The following PTPRE variants were observed in gnomAD, a reference collection of about 807,000 sequenced individuals.
PTPRE encodes the protein protein tyrosine phosphatase receptor type E, also known as receptor-type tyrosine-protein phosphatase epsilon.
A neutral mutation model predicts 102.0 loss-of-function variants in PTPRE; 51 were observed. That is an observed-to-expected ratio of 0.50 (90% CI 0.40 to 0.63). The LOEUF (loss-of-function observed/expected upper bound fraction) is 0.63. Ranked by LOEUF, PTPRE falls within the 30% of genes least tolerant of loss-of-function variation. The pLI is 0.00. For synonymous variants in PTPRE, 345 were observed against 348.2 expected (o/e 0.99, Z 0.10); for missense variants, 752 against 915.1 (o/e 0.82, Z 2.30).
chr10:127,923,594 G>T (rs1175059851), intron 1 of PTPRE, among the ~76,000 whole-genome samples: 2 of 151,892 alleles, frequency 1.3e-5, no homozygotes, highest in Non-Finnish European at 2.9e-5. Context: ...AGTAAGGACT[G>T]GGTTTCACCA....
Position 128,070,739 on chromosome 10 carries a change from C to A in PTPRE, c.1294-69C>A. Reference sequence around the variant, plus strand: ...AGGCGTCCTTGCCAGCAGCACTAGTCCTCGGCTGAGCAATGTGCTCAGGAG... The same window carrying A: ...AGGCGTCCTTGCCAGCAGCACTAGTACTCGGCTGAGCAATGTGCTCAGGAG... On this transcript the variant is annotated intron_variant, in intron 14 of 20. Transcript: ENST00000254667. The surrounding 1 kb of genome is among the most constrained non-coding windows in gnomAD (Gnocchi z 4.8). 4.6e-6 allele frequency: 7 copies of A among 1,513,682 alleles called. No homozygotes were observed. Among genetic ancestry groups the A allele is most frequent in the Non-Finnish European group, 6.4e-6 (7 of 1,098,950 alleles). 93.8% of individuals were successfully genotyped at this position (1,513,682 alleles called of 1,614,324 possible).
intron 2 of PTPRE, among the ~76,000 whole-genome samples, chr10:128,017,379 G>A (rs142740640): frequency 1.3e-4 from 20 of 152,272 alleles, no homozygotes; most frequent in African/African-American, 1.9e-4. Context: ...GCTGCTGCCC[G>A]AGCTGGCCTC....
chr10:127,977,433 A>C (rs1442328432), intron 1 of PTPRE, among the ~76,000 whole-genome samples: 1 of 152,128 alleles, frequency 6.6e-6, no homozygotes, highest in African/African-American at 2.4e-5. Context: ...CAAGGTTGCT[A>C]CTCGTTTAAA....
intron 1 of PTPRE, among the ~76,000 whole-genome samples, chr10:127,963,281 C>T (rs978094396): frequency 6.6e-6 from 1 of 152,206 alleles, no homozygotes; most frequent in East Asian, 1.9e-4. Flanking sequence ...CCCCAGCACC[C>T]CTGCATCTCA....
Position 128,020,314 on chromosome 10 carries a change from C to A in PTPRE, c.-7-20561C>A, listed in dbSNP as rs183269419. On this transcript the variant is annotated intron_variant, in intron 2 of 20. Coordinates refer to ENST00000254667, the MANE Select transcript of PTPRE (RefSeq NM_006504.6). ...CTCAAGTGGTACATCTGCACTAACA[C>A]AAATCCATTTTTTACTTGACTTTGA... 2.3e-3 allele frequency among the ~76,000 whole-genome samples: 357 copies of A among 152,336 alleles called. 1 individual carries two copies. The highest frequency in any genetic ancestry group is 8.0e-3 in the African/African-American group (333 of 41,564).
In PTPRE at chr10:127,926,842, T is replaced by C. The variant is rs1396939153; in HGVS notation, c.-31+19533T>C. Among the ~76,000 whole-genome samples, 3 of 139,010 alleles carry C rather than the reference T, an allele frequency of 2.2e-5. No individual in the cohort carries two copies. In the East Asian group the frequency reaches 6.5e-4, roughly 30 times the overall value. The allele number at this position is 139,010 out of a possible 152,430, so 91.2% of individuals were successfully genotyped here. A position where few individuals can be genotyped will look rare whatever the true frequency, so the allele number is the denominator to read the frequency against. Reference sequence around the variant, plus strand: ...TTTTTTTTTTTTTGAGATAGAGTCTTACTCTGTCACCCAGGCTGGAGTGCA... The same window carrying C: ...TTTTTTTTTTTTTGAGATAGAGTCTCACTCTGTCACCCAGGCTGGAGTGCA... On this transcript the variant is annotated intron_variant, in intron 1 of 20. Coordinates refer to ENST00000254667, the MANE Select transcript of PTPRE (RefSeq NM_006504.6).
intron 1 of PTPRE, among the ~76,000 whole-genome samples, chr10:127,914,413 A>G (rs548933953): frequency 1.3e-5 from 2 of 152,282 alleles, no homozygotes; most frequent in Admixed American, 1.3e-4. Context: ...TGACACTATC[A>G]TACTTCCCAG....
intron 1 of PTPRE, among the ~76,000 whole-genome samples, chr10:127,909,427 G>A (rs1296139053): frequency 6.6e-6 from 1 of 152,154 alleles, no homozygotes; most frequent in Non-Finnish European, 1.5e-5. Context: ...AGTCTAAGGT[G>A]CACCGCTGAT....
chr10:128,052,564 G>A (rs980931711), intron 6 of PTPRE, among the ~76,000 whole-genome samples: 5 of 152,110 alleles, frequency 3.3e-5, no homozygotes, highest in East Asian at 1.9e-4. Context: ...TTACGAGACC[G>A]CACTCTGCAA....
chr10:127,944,171 C>T lies in PTPRE; in HGVS notation c.-31+36862C>T, dbSNP rs1848448613. On this transcript the variant is annotated intron_variant, in intron 1 of 20. Transcript: ENST00000254667. This position sits in a 1 kb window ranked among gnomAD's most constrained non-coding sequence, Gnocchi z 4.2. Reference sequence around the variant, plus strand: ...AAGGACTGAAGTCCAGGGAATATTACTGCTCAGAGGGCCTGATAAGAATCC... The same window carrying T: ...AAGGACTGAAGTCCAGGGAATATTATTGCTCAGAGGGCCTGATAAGAATCC... Among the ~76,000 whole-genome samples the T allele has an allele frequency of 6.6e-6, 1 of 152,196 alleles. No homozygotes were observed. Among genetic ancestry groups the T allele is most frequent in the African/African-American group, 2.4e-5 (1 of 41,434 alleles).
intron 6 of PTPRE, among the ~76,000 whole-genome samples, chr10:128,055,772 A>G (rs151170864): frequency 6.6e-6 from 1 of 152,242 alleles, no homozygotes; most frequent in East Asian, 1.9e-4. Context: ...GTCAGTTCTT[A>G]CCAAATCATA....
intron 1 of PTPRE, among the ~76,000 whole-genome samples, chr10:127,909,732 G>A (rs1269705736): frequency 6.6e-6 from 1 of 152,354 alleles, no homozygotes; most frequent in East Asian, 1.9e-4. Flanking sequence ...GCCTACCAGT[G>A]GAGCCTTGAG....
intron 2 of PTPRE, among the ~76,000 whole-genome samples, chr10:128,001,967 A>G (rs1466171414): frequency 6.6e-6 from 1 of 152,072 alleles, no homozygotes; most frequent in African/African-American, 2.4e-5. Context: ...AGCAGGGGAG[A>G]TGGCAGTGTT....
intron 3 of PTPRE, among the ~76,000 whole-genome samples, chr10:128,041,343 G>A (rs1847674204): frequency 6.6e-6 from 1 of 152,100 alleles, no homozygotes; most frequent in Non-Finnish European, 1.5e-5. Context: ...GACAGTTAAT[G>A]ATAGGAACTA....
chr10:127,996,714 G>A (rs186191269), intron 2 of PTPRE, among the ~76,000 whole-genome samples: 1 of 152,178 alleles, frequency 6.6e-6, no homozygotes, highest in Non-Finnish European at 1.5e-5. Flanking sequence ...TGCACCAATG[G>A]CTGGATCCAG....
chr10:127,988,952 T>C (rs1015456224), intron 2 of PTPRE, among the ~76,000 whole-genome samples: 1 of 152,234 alleles, frequency 6.6e-6, no homozygotes, highest in African/African-American at 2.4e-5. Flanking sequence ...ATTTTCTGGG[T>C]AGCTTTTCTC....
Position 127,978,786 on chromosome 10 carries a change from C to T in PTPRE, c.-30-3488C>T, listed in dbSNP as rs1279502517. ...CTGTAATCCCAGCTCTTTGGGAGGC[C>T]GAGGAGGGTGGATCACTTGAGGTCA... On this transcript the variant is annotated intron_variant, in intron 1 of 20. Coordinates refer to ENST00000254667, the MANE Select transcript of PTPRE (RefSeq NM_006504.6). Among the ~76,000 whole-genome samples the T allele has an allele frequency of 4.6e-5, 7 of 152,106 alleles. No homozygotes were observed. The East Asian group carries it at 5.8e-4, about 13-fold the overall frequency.
chr10:128,065,221 CT>C (rs1162563803), intron 10 of PTPRE, among the ~76,000 whole-genome samples: 2 of 152,234 alleles, frequency 1.3e-5, no homozygotes, highest in Non-Finnish European at 2.9e-5. Context: ...TTTCATAAGA[CT>C]GTTAATCCTG....
chr10:127,961,990 G>T (rs982144556), intron 1 of PTPRE, among the ~76,000 whole-genome samples: 1 of 152,168 alleles, frequency 6.6e-6, no homozygotes, highest in Non-Finnish European at 1.5e-5. Context: ...CTGGCTCCAG[G>T]GTAGGAGAGA....
Sources: allele counts gnomAD v4.1 joint callset (sites outside exome capture counted in the v4.1 genomes callset), GRCh38; gene constraint gnomAD v4.1.1; non-coding constraint Gnocchi (gnomAD v3.1); transcripts MANE v1.5; gene names NCBI Gene and HGNC (gene_info 2026-07-23, HGNC 2026-07-21).